The following LRRIQ3 variants were observed in gnomAD, a reference collection of about 807,000 sequenced individuals.
LRRIQ3 encodes the protein leucine rich repeats and IQ motif containing 3.
A neutral mutation model predicts 59.3 loss-of-function variants in LRRIQ3; 75 were observed. That is an observed-to-expected ratio of 1.26 (90% CI 1.05 to 1.53). LRRIQ3 has a LOEUF of 1.53. Ranked by LOEUF, LRRIQ3 falls within the 40% of genes most tolerant of loss-of-function variation. The pLI, the probability that LRRIQ3 is intolerant of heterozygous loss-of-function variation, is 0.00. For missense variants in LRRIQ3, 831 were observed against 710.0 expected, an observed-to-expected ratio of 1.17 and a Z score of -1.94; for synonymous variants, 250 against 231.3, an observed-to-expected ratio of 1.08 and a Z score of -0.73.
intron 4 of LRRIQ3, among the ~76,000 whole-genome samples, chr1:74,131,498 C>T (rs904233500): frequency 2.0e-5 from 3 of 152,164 alleles, no homozygotes; most frequent in African/African-American, 7.2e-5. Context: ...CAAACCGAAT[C>T]CAGCAGCACA....
intron 5 of LRRIQ3, among the ~76,000 whole-genome samples, chr1:74,094,753 T>C (rs1646431463): frequency 6.6e-6 from 1 of 152,080 alleles, no homozygotes; most frequent in East Asian, 1.9e-4. Context: ...TGATAGATAT[T>C]AGAGGGCAAA....
Position 74,026,870 on chromosome 1 carries a change from T to C in LRRIQ3, c.1818A>G (p.Lys606=), listed in dbSNP as rs761137625. 1 of 1,608,648 alleles carries C rather than the reference T, an allele frequency of 6.2e-7. No homozygotes were observed. The change falls in exon 8 of 8, where the codon AAA becomes AAG. Residue 606 remains lysine (K), a synonymous_variant. Coordinates refer to ENST00000354431, the MANE Select transcript of LRRIQ3 (RefSeq NM_001105659.2). ...ACERLQDAKT[K]VAIVKTNLDF... is the part of the protein sequence containing the mutation. ...CTAAATTTGTTTTCACAATTGCTAC[T>C]TTTGTTTTAGCATCTTGAAGTCTTT...
intron 5 of LRRIQ3, among the ~76,000 whole-genome samples, chr1:74,089,493 G>A (rs1219863870): frequency 2.6e-5 from 4 of 151,980 alleles, no homozygotes; most frequent in Non-Finnish European, 4.4e-5. Flanking sequence ...GTTGATAAAT[G>A]TTACAACATG....
At chr1:74,113,596 G>T (rs978375050) in intron 4 of LRRIQ3, among the ~76,000 whole-genome samples, 55 of 152,098 alleles carry the variant, frequency 3.6e-4, no homozygotes, top group African/African-American at 1.2e-3. Context: ...AACAATGGAA[G>T]CCAGAAGGCA....
intron 7 of LRRIQ3, among the ~76,000 whole-genome samples, chr1:74,038,198 C>A (rs1025161460): frequency 1.3e-5 from 2 of 152,188 alleles, no homozygotes; most frequent in African/African-American, 4.8e-5. Flanking sequence ...TGGCAGACTG[C>A]AGCCAGAATG....
chr1:74,156,872 T>TTATG (rs1648364060), intron 3 of LRRIQ3, among the ~76,000 whole-genome samples: 1 of 152,140 alleles, frequency 6.6e-6, no homozygotes, highest in Admixed American at 6.6e-5. Context: ...AGGTCACTGT[T>TTATG]TATGTTTTGA....
At chr1:74,046,037 G>A (rs1654192938) in intron 6 of LRRIQ3, among the ~76,000 whole-genome samples, 1 of 152,114 alleles carries the variant, frequency 6.6e-6, no homozygotes, top group Non-Finnish European at 1.5e-5. Flanking sequence ...ACTGCCCAAA[G>A]CAATTTATAG....
chr1:74,081,922 A>C (rs1172173793), intron 5 of LRRIQ3: 1 of 151,462 alleles, frequency 6.6e-6, no homozygotes, highest in Admixed American at 6.6e-5. Flanking sequence ...GCTCACCCCT[A>C]GTAAAAATTA....
chr1:74,066,519 C>G (rs1249349447), intron 6 of LRRIQ3, among the ~76,000 whole-genome samples: 1 of 134,146 alleles, frequency 7.5e-6, no homozygotes, highest in African/African-American at 2.6e-5. Flanking sequence ...CTAATAACAA[C>G]AATAACAGCA....
At chr1:74,115,049 T>G (rs998836473) in intron 4 of LRRIQ3, among the ~76,000 whole-genome samples, 1 of 152,142 alleles carries the variant, frequency 6.6e-6, no homozygotes, top group Non-Finnish European at 1.5e-5. Context: ...TGATTTATTT[T>G]TTATAATGTC....
intron 3 of LRRIQ3, among the ~76,000 whole-genome samples, chr1:74,175,340 T>C (rs1342841526): frequency 6.6e-6 from 1 of 152,164 alleles, no homozygotes; most frequent in African/African-American, 2.4e-5. Flanking sequence ...CTCCCCCTTT[T>C]TTTGTTGTTG....
intron 4 of LRRIQ3, among the ~76,000 whole-genome samples, chr1:74,126,444 A>C (rs1289243067): frequency 3.3e-5 from 5 of 151,690 alleles, no homozygotes; most frequent in Non-Finnish European, 7.4e-5. Context: ...ATGCATTGTT[A>C]GGTTGTTTAA....
At chr1:74,114,499 G>A (rs1164558762) in intron 4 of LRRIQ3, among the ~76,000 whole-genome samples, 1 of 152,046 alleles carries the variant, frequency 6.6e-6, no homozygotes, top group African/African-American at 2.4e-5. Flanking sequence ...CACTTTGGGA[G>A]GCCGAGGTGG....
intron 5 of LRRIQ3, among the ~76,000 whole-genome samples, chr1:74,079,815 G>T (rs1377969944): frequency 1.3e-5 from 2 of 151,834 alleles, no homozygotes; most frequent in African/African-American, 4.8e-5. Flanking sequence ...TTTGGAGACA[G>T]TCCAACAACC....
At chr1:74,036,481 C>T (rs1196699479) in intron 7 of LRRIQ3, among the ~76,000 whole-genome samples, 1 of 152,090 alleles carries the variant, frequency 6.6e-6, no homozygotes, top group Non-Finnish European at 1.5e-5. Context: ...TTTTAGAAAG[C>T]TTCTAGGTCA....
chr1:74,076,429 AT>A (rs1409421436), intron 5 of LRRIQ3, among the ~76,000 whole-genome samples: 2 of 152,002 alleles, frequency 1.3e-5, no homozygotes, highest in Admixed American at 6.6e-5. Context: ...TCAAAACAAT[AT>A]TTTTTTCCTC....
At chr1:74,036,922 A>G (rs1653889712) in intron 7 of LRRIQ3, among the ~76,000 whole-genome samples, 1 of 152,224 alleles carries the variant, frequency 6.6e-6, no homozygotes, top group African/African-American at 2.4e-5. Context: ...TACTTTCGTA[A>G]CTTGGTTAAT....
intron 3 of LRRIQ3, among the ~76,000 whole-genome samples, chr1:74,165,208 G>T (rs535496483): frequency 7.1e-4 from 107 of 151,458 alleles, no homozygotes; most frequent in Non-Finnish European, 1.4e-3. Context: ...ATGGAATTTT[G>T]ATAAGAATTG....
chr1:74,136,121 G>A (rs1014383635), intron 4 of LRRIQ3, among the ~76,000 whole-genome samples: 3 of 151,604 alleles, frequency 2.0e-5, no homozygotes, highest in African/African-American at 7.3e-5. Context: ...CCAACAAATT[G>A]GAAAATGTAG....
Sources: allele counts gnomAD v4.1 joint callset (sites outside exome capture counted in the v4.1 genomes callset), GRCh38; gene constraint gnomAD v4.1.1; transcripts MANE v1.5; gene names NCBI Gene and HGNC (gene_info 2026-07-23, HGNC 2026-07-21).